DIP2C: variants seen among roughly 807,000 people sequenced by gnomAD.
DIP2C encodes disco-interacting protein 2 homolog C.
Under a neutral mutation model 192.4 loss-of-function variants are expected in DIP2C, and 33 were observed. That is an observed-to-expected ratio of 0.17 (90% CI 0.13 to 0.23). The LOEUF is 0.23. Among genes scored for constraint, DIP2C ranks in the 10% least tolerant of loss-of-function variants. The probability of loss-of-function intolerance (pLI) is 1.00; values close to 1 mark genes in which losing one functional copy is unlikely to be tolerated. For missense variants in DIP2C, 1,537 were observed against 2,110.1 expected (o/e 0.73, Z 5.32); for synonymous variants, 979 against 864.1 (o/e 1.13, Z -2.33).
At chr10:663,015 C>A (rs1431748508) in intron 1 of DIP2C, 4 of 700,898 alleles carry the variant, frequency 5.7e-6, no homozygotes, top group Admixed American at 2.0e-5. Context: ...GTTTCTATGT[C>A]CAGGAAAGAC....
intron 17 of DIP2C, among the ~76,000 whole-genome samples, chr10:373,503 G>A (rs748385001): frequency 6.6e-6 from 1 of 152,164 alleles, no homozygotes; most frequent in African/African-American, 2.4e-5. Context: ...GCTGCGGCAG[G>A]GCTTGCAGGT....
intron 10 of DIP2C, among the ~76,000 whole-genome samples, chr10:391,308 C>T (rs202220921): frequency 0.014 from 913 of 63,316 alleles, 3 homozygotes; most frequent in East Asian, 0.043. Flanking sequence ...ACCAAAGGCA[C>T]GAAAGGCACA....
At chr10:542,604 G>T (rs919152111) in intron 1 of DIP2C, among the ~76,000 whole-genome samples, 1 of 152,216 alleles carries the variant, frequency 6.6e-6, no homozygotes, top group South Asian at 2.1e-4. Context: ...ATCGGATTGG[G>T]GAATGGAGGG....
At chr10:460,563 C>CA (rs1258193041) in intron 3 of DIP2C, among the ~76,000 whole-genome samples, 1 of 152,032 alleles carries the variant, frequency 6.6e-6, no homozygotes, top group Non-Finnish European at 1.5e-5. Context: ...TAAGCAATAA[C>CA]AAAATTATTT....
At chr10:615,455 G>T (rs1012854146) in intron 1 of DIP2C, among the ~76,000 whole-genome samples, 3 of 152,138 alleles carry the variant, frequency 2.0e-5, no homozygotes, top group Non-Finnish European at 2.9e-5. Context: ...TTTCGCCACT[G>T]AGGAATCAGT....
At chr10:378,770 AAC>A (rs962103381) in intron 17 of DIP2C, among the ~76,000 whole-genome samples, 28 of 151,216 alleles carry the variant, frequency 1.9e-4, no homozygotes, top group Admixed American at 7.9e-4. Flanking sequence ...TAGACACGTG[AAC>A]ACACATGCCT....
intron 2 of DIP2C, among the ~76,000 whole-genome samples, chr10:474,676 C>A (rs1014300314): frequency 6.6e-6 from 1 of 152,238 alleles, no homozygotes; most frequent in Non-Finnish European, 1.5e-5. Flanking sequence ...CCAGAAGGAA[C>A]ACTTGGGGGC....
At chr10:291,887 A>G (rs2132206993) in intron 32 of DIP2C, among the ~76,000 whole-genome samples, 1 of 152,312 alleles carries the variant, frequency 6.6e-6, no homozygotes, top group African/African-American at 2.4e-5. Flanking sequence ...GGAGATGCAG[A>G]GGTCTGTGGA....
At chr10:515,439 C>T (rs926872605) in intron 1 of DIP2C, among the ~76,000 whole-genome samples, 2 of 152,148 alleles carry the variant, frequency 1.3e-5, no homozygotes, top group Non-Finnish European at 2.9e-5. Context: ...ATGTCAGGAT[C>T]GGGCCGGGTG....
chr10:367,401 C>T (rs1228268257), intron 18 of DIP2C, among the ~76,000 whole-genome samples: 1 of 146,802 alleles, frequency 6.8e-6, no homozygotes, highest in African/African-American at 2.5e-5. Flanking sequence ...TGGGCGACAG[C>T]GAGACTCCGT....
intron 1 of DIP2C, among the ~76,000 whole-genome samples, chr10:624,985 G>C (rs1327168381): frequency 6.6e-6 from 1 of 152,190 alleles, no homozygotes; most frequent in Non-Finnish European, 1.5e-5. Context: ...CTGGCCGGCG[G>C]CGCAACCTTG....
At chr10:343,085 C>T (rs530915090) in intron 28 of DIP2C, among the ~76,000 whole-genome samples, 4 of 152,256 alleles carry the variant, frequency 2.6e-5, no homozygotes, top group East Asian at 3.9e-4. Context: ...GTCAGGAGAT[C>T]GAGAACATCC....
At chr10:381,513 G>A (rs117694447) in intron 17 of DIP2C, among the ~76,000 whole-genome samples, 1,902 of 152,310 alleles carry the variant, frequency 0.012, 26 homozygotes, top group Non-Finnish European at 0.02. Context: ...GCTCTGGAGA[G>A]GGGCTGCTGT....
intron 1 of DIP2C, among the ~76,000 whole-genome samples, chr10:623,503 G>A (rs1188570740): frequency 7.8e-6 from 1 of 128,422 alleles, no homozygotes. Flanking sequence ...GAGGGGAGGA[G>A]GGGAGGGATG....
chr10:485,574 C>G (rs1002281920), intron 2 of DIP2C, among the ~76,000 whole-genome samples: 1 of 152,204 alleles, frequency 6.6e-6, no homozygotes, highest in Non-Finnish European at 1.5e-5. Context: ...CCGTTTCCTG[C>G]AGCCTGAGCC....
intron 29 of DIP2C, among the ~76,000 whole-genome samples, chr10:337,929 G>T (rs1048552480): frequency 9.9e-5 from 15 of 150,904 alleles, no homozygotes; most frequent in Admixed American, 6.6e-4. Context: ...TGATGTGTAT[G>T]TGTGTGCTGT....
intron 1 of DIP2C, among the ~76,000 whole-genome samples, chr10:617,507 T>A (rs1853549085): frequency 1.3e-5 from 2 of 152,116 alleles, no homozygotes; most frequent in African/African-American, 4.8e-5. Flanking sequence ...CTATGCACCC[T>A]CTGCCACCAG....
At chr10:589,968 G>GT (rs1263709522) in intron 1 of DIP2C, among the ~76,000 whole-genome samples, 9 of 152,242 alleles carry the variant, frequency 5.9e-5, no homozygotes, top group Non-Finnish European at 1.3e-4. Context: ...ATAAATCACC[G>GT]TATCAAGATT....
chr10:382,518 C>A, intron 17 of DIP2C, 129 bp downstream of exon 17: 3 of 664,218 alleles, frequency 4.5e-6, no homozygotes, highest in Admixed American at 2.6e-5. Flanking sequence ...GAAATAAACT[C>A]ATCTTGAAAG....
Sources: gnomAD v4.1 joint callset for allele counts (sites outside exome capture counted in the v4.1 genomes callset) on GRCh38, gnomAD v4.1.1 for gene constraint, MANE v1.5 for transcripts, NCBI Gene and HGNC (gene_info 2026-07-23, HGNC 2026-07-21) for gene names.